The following C11orf65 variants were observed in gnomAD, a reference collection of about 807,000 sequenced individuals.
The protein encoded by C11orf65 is chromosome 11 open reading frame 65, also known as protein MFI.
C11orf65 carries 38 observed loss-of-function variants against 35.3 expected under a neutral mutation model. The ratio of observed to expected loss-of-function variants is 1.08; its 90% CI spans 0.83 to 1.41. The LOEUF (loss-of-function observed/expected upper bound fraction) is 1.41. C11orf65 is among the 40% of genes most tolerant of loss of function. The pLI is 0.00. For missense variants in C11orf65, 370 were observed against 367.1 expected (o/e 1.01, Z -0.06); for synonymous variants, 105 against 114.4 (o/e 0.92, Z 0.53).
At chr11:108,423,114 C>T (rs1407072342) in intron 3 of C11orf65, among the ~76,000 whole-genome samples, 6 of 152,184 alleles carry the variant, frequency 3.9e-5, no homozygotes, top group Admixed American at 1.3e-4. Context: ...CCCTAGGTTG[C>T]CTATGCCAAC....
At position 108,365,214 on chromosome 11, in the gene C11orf65, C is replaced by A. The variant is rs142322668; in HGVS notation, c.226+27994G>T. On this transcript the variant is annotated intron_variant, in intron 2 of 3. Transcript: ENST00000524755. ...AGATGACCAAGAATGCAAACGAAAT[C>A]TCAGGTGAGCAGTATTTTAAGAAGG... 9.9e-6 allele frequency: 16 copies of A among 1,614,186 alleles called. No homozygotes were observed. The highest frequency in any genetic ancestry group is 1.2e-5 in the Non-Finnish European group (14 of 1,180,034).
intron 2 of C11orf65, among the ~76,000 whole-genome samples, chr11:108,442,059 A>G (rs1328974652): frequency 6.6e-6 from 1 of 152,182 alleles, no homozygotes; most frequent in Non-Finnish European, 1.5e-5. Flanking sequence ...ACCTATCACA[A>G]AGAAGCTAAA....
At chr11:108,462,414 T>G (rs1389046300) in intron 1 of C11orf65, 1 of 152,218 alleles carries the variant, frequency 6.6e-6, no homozygotes, top group Non-Finnish European at 1.5e-5. Flanking sequence ...GCAACAACCC[T>G]GCATAACAGA....
At chr11:108,348,911 G>C (rs966013376) in intron 2 of C11orf65, among the ~76,000 whole-genome samples, 1 of 152,078 alleles carries the variant, frequency 6.6e-6, no homozygotes, top group Non-Finnish European at 1.5e-5. Context: ...AGCTGGTTTG[G>C]TTACTAACCA....
intron 2 of C11orf65, among the ~76,000 whole-genome samples, chr11:108,441,057 AT>A (rs1406484246): frequency 1.3e-5 from 2 of 152,214 alleles, no homozygotes; most frequent in Non-Finnish European, 2.9e-5. Context: ...GGGTTGGGGA[AT>A]TCCCTTTCCT....
chr11:108,441,291 T>C (rs1411412110), intron 2 of C11orf65, among the ~76,000 whole-genome samples: 2 of 152,200 alleles, frequency 1.3e-5, no homozygotes, highest in Non-Finnish European at 2.9e-5. Context: ...CTGCCATTGC[T>C]GAGGCTTGAG....
chr11:108,334,002 C>T (rs761930835), intron 3 of C11orf65: 1 of 1,527,544 alleles, frequency 6.5e-7, no homozygotes, highest in South Asian at 1.1e-5. Context: ...TTTTTTTAAA[C>T]TAAATTTTTT....
chr11:108,356,931 G>A (rs563894829), intron 2 of C11orf65, among the ~76,000 whole-genome samples: 3 of 152,270 alleles, frequency 2.0e-5, no homozygotes, highest in East Asian at 1.9e-4. Context: ...CACACCCTCC[G>A]GGAGGAGGAG....
chr11:108,437,707 T>TAAAAAAAAAAAA (rs145337876), intron 2 of C11orf65, among the ~76,000 whole-genome samples: 10 of 38,026 alleles, frequency 2.6e-4, no homozygotes, highest in African/African-American at 7.1e-4. Flanking sequence ...GACTCAGTCT[T>TAAAAAAAAAAAA]AAAAAAAAAA....
At chr11:108,452,336 A>C (rs2093359433) in intron 2 of C11orf65, among the ~76,000 whole-genome samples, 1 of 152,220 alleles carries the variant, frequency 6.6e-6, no homozygotes, top group East Asian at 1.9e-4. Flanking sequence ...CCCATCAAAA[A>C]GTGGGCAAAG....
intron 2 of C11orf65, among the ~76,000 whole-genome samples, chr11:108,433,273 A>AGATATATATAGATATATATATATG (rs1298433689): frequency 6.7e-6 from 1 of 148,868 alleles, no homozygotes; most frequent in East Asian, 1.9e-4. Flanking sequence ...ATATATATAT[A>AGATATATATAGATATATATATATG]GATATATATA....
chr11:108,365,241 C>A, intron 2 of C11orf65: 3 of 1,614,160 alleles, frequency 1.9e-6, no homozygotes, highest in Non-Finnish European at 2.5e-6. Context: ...TTAAGAAGGT[C>A]CTGTTGTCAG....
chr11:108,467,987 G>A (rs1338648437), upstream of C11orf65, among the ~76,000 whole-genome samples: 5 of 151,820 alleles, frequency 3.3e-5, no homozygotes, highest in Non-Finnish European at 7.4e-5. Context: ...CACCACGCCA[G>A]GCTCATTTTT....
chr11:108,446,605 C>A (rs2093263625), intron 2 of C11orf65, among the ~76,000 whole-genome samples: 1 of 152,040 alleles, frequency 6.6e-6, no homozygotes, highest in African/African-American at 2.4e-5. Context: ...CACCACCAGG[C>A]CTGCCCTAAA....
intron 3 of C11orf65, among the ~76,000 whole-genome samples, chr11:108,426,809 C>A (rs565699329): frequency 2.6e-4 from 39 of 152,090 alleles, no homozygotes; most frequent in Non-Finnish European, 4.9e-4. Context: ...GATATATAAA[C>A]CAATGGAACA....
intron 2 of C11orf65, among the ~76,000 whole-genome samples, chr11:108,371,633 C>T (rs2138101679): frequency 6.6e-6 from 1 of 152,168 alleles, no homozygotes; most frequent in East Asian, 1.9e-4. Flanking sequence ...TTTATTTATC[C>T]ATTCATCCAT....
chr11:108,444,389 A>G (rs1187198290), intron 2 of C11orf65, among the ~76,000 whole-genome samples: 2 of 152,214 alleles, frequency 1.3e-5, no homozygotes, highest in African/African-American at 4.8e-5. Context: ...TACCAGAGGT[A>G]CAAAGAGGAG....
intron 2 of C11orf65, among the ~76,000 whole-genome samples, chr11:108,341,443 T>G (rs1026112331): frequency 6.6e-6 from 1 of 152,168 alleles, no homozygotes; most frequent in African/African-American, 2.4e-5. Context: ...GAATGAAACT[T>G]TATGAGGGCA....
intron 6 of C11orf65, chr11:108,321,411 T>G: frequency 6.2e-7 from 1 of 1,614,042 alleles, no homozygotes; most frequent in East Asian, 2.2e-5. Flanking sequence ...ATTGGGGAGC[T>G]TTTCTCAAGG....
Sources: allele counts gnomAD v4.1 joint callset (sites outside exome capture counted in the v4.1 genomes callset), GRCh38; gene constraint gnomAD v4.1.1; transcripts MANE v1.5; gene names NCBI Gene and HGNC (gene_info 2026-07-23, HGNC 2026-07-21).